TMEM9B: variants seen among roughly 807,000 people sequenced by gnomAD.
TMEM9B encodes the protein TMEM9 domain family member B.
TMEM9B carries 8 observed loss-of-function variants against 23.5 expected under a neutral mutation model. The ratio of observed to expected loss-of-function variants is 0.34; its 90% CI spans 0.20 to 0.61. The LOEUF (loss-of-function observed/expected upper bound fraction) is 0.61, where lower values mean the gene tolerates loss of function less well. Ranked by LOEUF, TMEM9B falls within the 20% of genes least tolerant of loss-of-function variation. TMEM9B has a pLI of 0.78. For synonymous variants in TMEM9B, 106 were observed against 96.3 expected (o/e 1.10, Z -0.59); for missense variants, 197 against 252.3 (o/e 0.78, Z 1.49).
intron 4 of TMEM9B, among the ~76,000 whole-genome samples, chr11:8,951,219 T>C (rs1853868661): frequency 6.6e-6 from 1 of 152,184 alleles, no homozygotes. Context: ...GGAACAGATA[T>C]TTAACGCTGT....
Position 8,959,491 on chromosome 11 carries a change from A to G in TMEM9B, c.197+2601T>C, listed in dbSNP as rs552648836. On this transcript the variant is annotated intron_variant, in intron 2 of 4. Transcript: ENST00000534025. ...TTTACCTCTGAACCTCGGGAAAATG[A>G]AACTGATCTATTTAGTTTCCTACTT... 2.6e-5 allele frequency among the ~76,000 whole-genome samples: 4 copies of G among 152,356 alleles called. No homozygotes were observed. In the East Asian group the frequency reaches 7.7e-4, roughly 29 times the overall value.
upstream of TMEM9B, chr11:8,964,822 C>T (rs1326412169): frequency 1.3e-5 from 2 of 156,880 alleles, no homozygotes; most frequent in African/African-American, 4.8e-5. Flanking sequence ...TTGGCCGAGC[C>T]ATGCCTTTCC....
chr11:8,952,192 G>A (rs763491472), intron 4 of TMEM9B, among the ~76,000 whole-genome samples: 190 of 150,528 alleles, frequency 1.3e-3, no homozygotes, highest in Middle Eastern at 3.4e-3. Flanking sequence ...TTGAATAAAC[G>A]AATATTAAAA....
chr11:8,950,904 C>A (rs757194373), intron 4 of TMEM9B, among the ~76,000 whole-genome samples: 1 of 152,176 alleles, frequency 6.6e-6, no homozygotes. Flanking sequence ...GAACTCACAT[C>A]TTGGATAAGC....
At chr11:8,956,397 C>T in intron 2 of TMEM9B, 99 bp from the exon 3 acceptor site, 1 of 797,892 alleles carries the variant, frequency 1.3e-6, no homozygotes, top group Non-Finnish European at 2.0e-6. Flanking sequence ...CTAAACTTAC[C>T]CAATGAAAGA....
At chr11:8,949,719 G>C (rs1853841384) in intron 4 of TMEM9B, among the ~76,000 whole-genome samples, 1 of 152,110 alleles carries the variant, frequency 6.6e-6, no homozygotes, top group South Asian at 2.1e-4. Context: ...ATATCAAAGA[G>C]TTTTTATAAA....
chr11:8,964,471 G>C (rs1007950051), upstream of TMEM9B: 8 of 1,421,918 alleles, frequency 5.6e-6, no homozygotes, highest in African/African-American at 4.5e-5. Context: ...GGGCGCGCCG[G>C]GTCAGATGCA....
At chr11:8,962,338 CCA>C (rs1404618338) in intron 1 of TMEM9B, among the ~76,000 whole-genome samples, 155 bp from the exon 2 acceptor site, 1 of 152,098 alleles carries the variant, frequency 6.6e-6, no homozygotes, top group African/African-American at 2.4e-5. Context: ...TTTTTAAAAG[CCA>C]CAGTCCTTTA....
chr11:8,964,481 A>G, upstream of TMEM9B: 7 of 1,418,512 alleles, frequency 4.9e-6, no homozygotes, highest in Non-Finnish European at 6.4e-6. Flanking sequence ...GGTCAGATGC[A>G]AAAAGCATCC....
chr11:8,953,783 C>T (rs1853924111), intron 3 of TMEM9B, among the ~76,000 whole-genome samples: 1 of 152,088 alleles, frequency 6.6e-6, no homozygotes, highest in Admixed American at 6.5e-5. Context: ...ATAGACAATA[C>T]CAAGTATTAG....
At chr11:8,962,429 A>AC (rs1226127684) in intron 1 of TMEM9B, among the ~76,000 whole-genome samples, 1 of 152,152 alleles carries the variant, frequency 6.6e-6, no homozygotes, top group African/African-American at 2.4e-5. Context: ...AGACTTATTA[A>AC]CCATATTTAT....
chr11:8,961,812 C>G (rs2116511), intron 2 of TMEM9B, among the ~76,000 whole-genome samples: 90,206 of 152,004 alleles, frequency 0.59, 27,158 homozygotes, highest in East Asian at 0.77. Context: ...GGGAGTACAG[C>G]AAGATAGCTA....
chr11:8,964,305 G>C lies in TMEM9B; in HGVS notation c.9C>G (p.Thr3=), dbSNP rs773420150. The change falls in exon 1 of 5, where the codon ACC becomes ACG. Residue 3 remains threonine (T), a synonymous_variant. Transcript: ENST00000534025. MA[T]LWGGLLRLGS... ...CAAGCCGAAGAAGGCCTCCCCACAG[G>C]GTCGCCATCGCTGGGGGCCCAGCGG... is the stretch of plus-strand genomic sequence containing the variant. 1.9e-6 allele frequency: 3 copies of C among 1,576,424 alleles called. No homozygotes were observed. The highest frequency in any genetic ancestry group is 2.6e-6 in the Non-Finnish European group (3 of 1,161,950).
chr11:8,949,856 C>T, intron 4 of TMEM9B, among the ~76,000 whole-genome samples: 1 of 148,664 alleles, frequency 6.7e-6, no homozygotes, highest in Non-Finnish European at 1.5e-5. Flanking sequence ...GAGATGGGGT[C>T]TCACTATATT....
At chr11:8,952,068 C>T (rs979012182) in intron 4 of TMEM9B, among the ~76,000 whole-genome samples, 3 of 152,106 alleles carry the variant, frequency 2.0e-5, no homozygotes, top group African/African-American at 7.2e-5. Flanking sequence ...AAAGTCACGC[C>T]ACTGCACTCC....
Position 8,964,200 on chromosome 11 carries a change from G to A in TMEM9B, c.105+9C>T, listed in dbSNP as rs772073795. The A allele has an allele frequency of 2.6e-6, 4 of 1,566,514 alleles. No homozygotes were observed. In the East Asian group the frequency reaches 9.5e-5, roughly 37 times the overall value. ...GCTTCCGTCAGGAGCGAGGCTGGGC[G>A]GGACTCACCTTGGCGGCGTCTGACA... On this transcript the variant is annotated intron_variant, in intron 1 of 4. Transcript: ENST00000534025.
At chr11:8,953,054 T>C (rs1355174586) in intron 4 of TMEM9B, 149 bp downstream of exon 4, 2 of 858,722 alleles carry the variant, frequency 2.3e-6, no homozygotes, top group Non-Finnish European at 3.9e-6. Flanking sequence ...TAAAGAGGTA[T>C]ATACTGAAAT....
In TMEM9B at chr11:8,964,231, G is replaced by C. The variant is rs750445765; in HGVS notation, c.83C>G (p.Ala28Gly). The change falls in exon 1 of 5, where the codon GCG becomes GGG. Residue 28 changes from alanine to glycine, a missense_variant. Around this residue, in one of 2 missense-constraint regions of TMEM9B, gnomAD observed 56 missense variants for 38.2 expected, o/e 1.46. Coordinates refer to ENST00000534025, the MANE Select transcript of TMEM9B (RefSeq NM_020644.3). Reference protein sequence around the residue: ...SCLALSVLLLAQLSDAAKNFE... With the variant: ...SCLALSVLLLGQLSDAAKNFE... ...CACCTTGGCGGCGTCTGACAGCTGC[G>C]CCAGCAGCAGCACGGAAAGCGCCAG... 1 of 1,588,496 alleles carries C rather than the reference G, an allele frequency of 6.3e-7. No individual in the cohort carries two copies. The highest frequency in any genetic ancestry group is 1.3e-5 in the African/African-American group (1 of 74,346).
chr11:8,954,202 G>A (rs899705378), intron 3 of TMEM9B, among the ~76,000 whole-genome samples: 4 of 152,274 alleles, frequency 2.6e-5, no homozygotes, highest in East Asian at 3.9e-4. Context: ...TGTATGCAGA[G>A]ACAGAAAGTA....
Sources: gnomAD v4.1 joint callset for allele counts (sites outside exome capture counted in the v4.1 genomes callset) on GRCh38, gnomAD v4.1.1 for gene constraint, gnomAD v4.1.1 regional missense constraint, MANE v1.5 for transcripts, NCBI Gene and HGNC (gene_info 2026-07-23, HGNC 2026-07-21) for gene names.